The following SERPINB10 variants were observed in gnomAD, a reference collection of about 807,000 sequenced individuals.
The protein encoded by SERPINB10 is serpin family B member 10, also known as serpin B10.
A neutral mutation model predicts 39.1 loss-of-function variants in SERPINB10; 35 were observed. The observed-to-expected ratio is 0.90, with a 90% confidence interval of 0.68 to 1.19. The LOEUF is 1.19. Among genes scored for constraint, SERPINB10 ranks in the 50% most tolerant of loss-of-function variants. The pLI, the probability that SERPINB10 is intolerant of heterozygous loss-of-function variation, is 0.00. For synonymous variants in SERPINB10, 190 were observed against 158.1 expected, an observed-to-expected ratio of 1.20 and a Z score of -1.52; for missense variants, 546 against 460.5, an observed-to-expected ratio of 1.19 and a Z score of -1.70.
chr18:63,915,031 G>A (rs9952843), intron 1 of SERPINB10, among the ~76,000 whole-genome samples: 39,578 of 151,912 alleles, frequency 0.26, 5,819 homozygotes, highest in African/African-American at 0.39. Flanking sequence ...AGCCCAAACC[G>A]TGAATATCGT....
Position 63,934,864 on chromosome 18 carries a change from G to C in SERPINB10, c.816G>C (p.Lys272Asn), listed in dbSNP as rs1408968914. 1 of 1,610,104 alleles carries C rather than the reference G, an allele frequency of 6.2e-7. No individual in the cohort carries two copies. The highest frequency in any genetic ancestry group is 1.3e-5 in the African/African-American group (1 of 74,920). The change falls in exon 8 of 8, where the codon AAG (lysine) becomes AAC (asparagine). Residue 272 changes from lysine (K) to asparagine (N), a missense_variant. Physicochemically the swap from Lys to Asn is moderately conservative, Grantham distance 94 (BLOSUM62 0). Coordinates refer to ENST00000238508, the MANE Select transcript of SERPINB10 (RefSeq NM_005024.3). The part of the protein sequence containing the change: ...EQLEKAITYE[K>N]LNEWTSADMM... ...TGGAAAAGGCCATCACCTATGAGAA[G>C]CTGAATGAGTGGACCAGTGCAGACA... is the stretch of plus-strand genomic sequence containing the variant.
At chr18:63,931,756 T>C (rs960102626) in intron 6 of SERPINB10, among the ~76,000 whole-genome samples, 1 of 152,202 alleles carries the variant, frequency 6.6e-6, no homozygotes, top group Non-Finnish European at 1.5e-5. Flanking sequence ...CTAATATTGA[T>C]ACATCATTAT....
intron 6 of SERPINB10, 54 bp from the exon 7 acceptor site, chr18:63,932,994 A>T: frequency 6.6e-7 from 1 of 1,524,598 alleles, no homozygotes; most frequent in Non-Finnish European, 9.0e-7. Flanking sequence ...GAGTTGGTGG[A>T]ATACTTCTTC....
chr18:63,919,690 A>G, intron 4 of SERPINB10, 98 bp from the exon 5 acceptor site: 1 of 774,936 alleles, frequency 1.3e-6, no homozygotes, highest in Non-Finnish European at 2.1e-6. Flanking sequence ...GGAGTGTGCA[A>G]TTGCCCGCCT....
At chr18:63,918,291 C>T (rs1315579794) in intron 4 of SERPINB10, among the ~76,000 whole-genome samples, 189 bp downstream of exon 4, 1 of 151,974 alleles carries the variant, frequency 6.6e-6, no homozygotes, top group Non-Finnish European at 1.5e-5. Flanking sequence ...GGTCTCAAAT[C>T]AGATCTAGGA....
At chr18:63,915,837 T>C (rs914780240) in intron 2 of SERPINB10, among the ~76,000 whole-genome samples, 159 bp downstream of exon 2, 24 of 152,000 alleles carry the variant, frequency 1.6e-4, no homozygotes, top group Non-Finnish European at 3.1e-4. Flanking sequence ...ATAAAACAAA[T>C]CTTGGTAAAG....
intron 6 of SERPINB10, 114 bp downstream of exon 6, chr18:63,930,301 A>C: frequency 8.7e-7 from 1 of 1,152,896 alleles, no homozygotes; most frequent in Non-Finnish European, 1.2e-6. Context: ...GGCTCTTACC[A>C]GGGAAGTGAT....
In SERPINB10 at chr18:63,935,055, T is replaced by G. The variant is rs756154644; in HGVS notation, c.1007T>G (p.Val336Gly). The change falls in exon 8 of 8, where the codon GTT becomes GGT. Residue 336 changes from valine (V) to glycine (G), a missense_variant. By Grantham distance (109) the Val-to-Gly change is moderately radical (BLOSUM62 -3). Transcript: ENST00000238508. ...SSARNLFLSN[V>G]FHKAFVEINE... ...GCAAGAAACCTATTTTTGTCCAATG[T>G]TTTCCATAAGGCTTTTGTGGAAATA... The G allele has an allele frequency of 1.2e-6, 2 of 1,614,204 alleles. No homozygotes were observed. The highest frequency in any genetic ancestry group is 1.7e-6 in the Non-Finnish European group (2 of 1,180,036).
intron 1 of SERPINB10, 146 bp from the exon 2 acceptor site, chr18:63,915,356 T>A: frequency 6.3e-6 from 3 of 478,766 alleles, no homozygotes. Context: ...TAAAATACTA[T>A]TATTGGACTA....
intron 6 of SERPINB10, among the ~76,000 whole-genome samples, chr18:63,931,197 G>A (rs549819646): frequency 6.6e-6 from 1 of 152,218 alleles, no homozygotes; most frequent in South Asian, 2.1e-4. Context: ...GAGTGATTGG[G>A]GTATTTAGAG....
intron 5 of SERPINB10, among the ~76,000 whole-genome samples, chr18:63,925,958 A>G (rs1280766274): frequency 6.6e-6 from 1 of 152,058 alleles, no homozygotes; most frequent in African/African-American, 2.4e-5. Flanking sequence ...TATGGGCATC[A>G]TGCACTTCCT....
intron 6 of SERPINB10, 106 bp downstream of exon 6, chr18:63,930,293 C>A: frequency 7.9e-7 from 1 of 1,265,756 alleles, no homozygotes; most frequent in Non-Finnish European, 1.1e-6. Context: ...TGAACTATGG[C>A]TCTTACCAGG....
In SERPINB10 at chr18:63,936,089, A is replaced by G. The variant is rs947624049; in HGVS notation, c.*847A>G. 3 of 152,170 alleles carry G rather than the reference A, an allele frequency of 2.0e-5. No homozygotes were observed. The highest frequency in any genetic ancestry group is 1.9e-4 in the East Asian group (1 of 5,190). 9.4% of individuals were successfully genotyped at this position (152,170 alleles called of 1,614,324 possible). ...CTTCTGCCAATCTAAAATTATTCCA[A>G]AATAAAAGTTTTATTAAAAATAGTC... On this transcript the variant is annotated 3_prime_UTR_variant, in exon 8 of 8. Transcript: ENST00000238508.
chr18:63,934,803 T>A, intron 7 of SERPINB10, 35 bp from the exon 8 acceptor site: 1 of 1,560,900 alleles, frequency 6.4e-7, no homozygotes, highest in Non-Finnish European at 8.7e-7. Context: ...ACTTTGGAAT[T>A]ACTGATTCTT....
intron 1 of SERPINB10, among the ~76,000 whole-genome samples, chr18:63,911,853 G>A (rs1330424906): frequency 2.0e-5 from 3 of 151,950 alleles, no homozygotes. Context: ...TTCCATCCGA[G>A]GTTTGCCTTC....
In SERPINB10 at chr18:63,915,671, T is replaced by C. The variant is rs1282827567; in HGVS notation, c.161T>C (p.Met54Thr). ...LGAKGTTAAQ[M>T]AQVLQFNRDQ... ...GCCAAAGGTACCACTGCAGCCCAAA[T>C]GGCCCAGGTGAGTGGAAAAGGTCAA... The change falls in exon 2 of 8, where the codon ATG becomes ACG. Residue 54 changes from methionine to threonine, a missense_variant. By Grantham distance (81) the Met-to-Thr change is moderately conservative (BLOSUM62 -1). Coordinates refer to ENST00000238508, the MANE Select transcript of SERPINB10 (RefSeq NM_005024.3). The C allele has an allele frequency of 6.2e-7, 1 of 1,603,986 alleles. No individual in the cohort carries two copies. Among genetic ancestry groups the C allele is most frequent in the Non-Finnish European group, 8.5e-7 (1 of 1,173,806 alleles).
chr18:63,934,971 G>A lies in SERPINB10; in HGVS notation c.923G>A (p.Ser308Asn), dbSNP rs144690941. 4 of 1,614,228 alleles carry A rather than the reference G, an allele frequency of 2.5e-6. No individual in the cohort carries two copies. In the African/African-American group the frequency reaches 5.3e-5, roughly 22 times the overall value. ...TATGATCTCAAGTCAACCCTGAGCA[G>A]TATGGGGATGAGTGATGCCTTCAGC... ...DSYDLKSTLS[S>N]MGMSDAFSQS... Residue 308 changes from serine (S) to asparagine (N), a missense_variant, in exon 8 of 8, where the codon AGT (serine) becomes AAT (asparagine). Ser to Asn is a conservative substitution (Grantham distance 46). Transcript: ENST00000238508.
Position 63,935,353 on chromosome 18 carries a change from C to T in SERPINB10, c.*111C>T. On this transcript the variant is annotated 3_prime_UTR_variant, in exon 8 of 8. Coordinates refer to ENST00000238508, the MANE Select transcript of SERPINB10 (RefSeq NM_005024.3). ...GAGTTTGTAGTCTAAACCTTTTTCA[C>T]ATTTGAATATAAGTAAATAGATCTT... 1 of 1,051,346 alleles carries T rather than the reference C, an allele frequency of 9.5e-7. No homozygotes were observed. 65.1% of individuals were successfully genotyped at this position (1,051,346 alleles called of 1,614,324 possible). A position where few individuals can be genotyped will look rare whatever the true frequency, so the allele number is the denominator to read the frequency against.
In SERPINB10 at chr18:63,930,273, T is replaced by C. The variant is rs886327365; in HGVS notation, c.633+86T>C. The C allele has an allele frequency of 1.2e-5, 17 of 1,430,554 alleles. No homozygotes were observed. In the African/African-American group the frequency reaches 1.7e-4, roughly 14 times the overall value. 88.6% of individuals were successfully genotyped at this position (1,430,554 alleles called of 1,614,324 possible). A position where few individuals can be genotyped will look rare whatever the true frequency, so the allele number is the denominator to read the frequency against. ...ATAAATTCACTCTTCTTTTAGATTG[T>C]ATGTTCTAGTGAACTATGGCTCTTA... On this transcript the variant is annotated intron_variant, in intron 6 of 7. Transcript: ENST00000238508.
Sources: allele counts gnomAD v4.1 joint callset (sites outside exome capture counted in the v4.1 genomes callset), GRCh38; gene constraint gnomAD v4.1.1; transcripts MANE v1.5; gene names NCBI Gene and HGNC (gene_info 2026-07-23, HGNC 2026-07-21).